Variants in CREBBP observed in about 807,000 individuals in gnomAD.
CREBBP encodes CREB-binding protein.
Under a neutral mutation model 265.0 loss-of-function variants are expected in CREBBP, and 19 were observed. The ratio of observed to expected loss-of-function variants is 0.07; its 90% CI spans 0.05 to 0.11. CREBBP has a LOEUF of 0.11. CREBBP is among the 10% of genes least tolerant of loss of function. The pLI, the probability that CREBBP is intolerant of heterozygous loss-of-function variation, is 1.00. For missense variants in CREBBP, 2,525 were observed against 3,219.0 expected (o/e 0.78, Z 5.22); for synonymous variants, 1,457 against 1,223.7 (o/e 1.19, Z -3.98).
chr16:3,763,533 T>C (rs1273884326), intron 16 of CREBBP, among the ~76,000 whole-genome samples: 2 of 152,174 alleles, frequency 1.3e-5, no homozygotes, highest in East Asian at 3.9e-4. Flanking sequence ...CGATCTCAGC[T>C]CACTGCAACC....
chr16:3,729,740 C>A lies in CREBBP; in HGVS notation c.5307G>T (p.Arg1769=), dbSNP rs2151311809. ...ACTGGATGCAGCGCTGGATGCTCAG[C>A]CGGCGTGACTCCTGGGGGCTCTTTG... is the stretch of plus-strand genomic sequence containing the variant. ...PQSKSPQESR[R]LSIQRCIQSL... is the part of the protein sequence containing the mutation. Residue 1769 remains arginine, a synonymous_variant, in exon 31 of 31, where the codon CGG becomes CGT. Coordinates refer to ENST00000262367, the MANE Select transcript of CREBBP (RefSeq NM_004380.3). 1 of 1,608,706 alleles carries A rather than the reference C, an allele frequency of 6.2e-7. No homozygotes were observed. Among genetic ancestry groups the A allele is most frequent in the Non-Finnish European group, 8.5e-7 (1 of 1,179,014 alleles).
chr16:3,791,852 T>C, intron 5 of CREBBP, 129 bp downstream of exon 5: 5 of 815,748 alleles, frequency 6.1e-6, no homozygotes, highest in South Asian at 1.4e-5. Context: ...CTTGGGCTGC[T>C]GTCCGCCCTA....
At chr16:3,814,215 CTGTG>C (rs6145729) in intron 2 of CREBBP, among the ~76,000 whole-genome samples, 18,696 of 103,420 alleles carry the variant, frequency 0.18, 1,732 homozygotes, top group Non-Finnish European at 0.23. Flanking sequence ...GAGTCTCGTT[CTGTG>C]TGTGTGTGTG....
Position 3,770,988 on chromosome 16 carries a change from T to C in CREBBP, c.2464-2A>G, listed in dbSNP as rs2141204933. ...AAGAGCAGCACCAGGCACCTGTCCC[T>C]ACCAGAAATGGACAGAGTATGGTAA... On this transcript the variant is annotated splice_acceptor_variant, in intron 13 of 30. Transcript: ENST00000262367. LOFTEE classifies it high-confidence loss of function. The C allele has an allele frequency of 6.2e-7, 1 of 1,613,320 alleles. No homozygotes were observed. Among genetic ancestry groups the C allele is most frequent in the South Asian group, 1.1e-5 (1 of 91,080 alleles).
At chr16:3,849,427 GTGTGTGTGTGTGTGT>G (rs1567360110) in intron 2 of CREBBP, among the ~76,000 whole-genome samples, 357 of 16,340 alleles carry the variant, frequency 0.022, 8 homozygotes, top group Admixed American at 0.03. Context: ...GTGTGTGTGT[GTGTGTGTGTGTGTGT>G]GTGTGTGTGT....
chr16:3,783,815 G>C (rs1400979319), intron 5 of CREBBP, among the ~76,000 whole-genome samples: 1 of 152,198 alleles, frequency 6.6e-6, no homozygotes, highest in East Asian at 1.9e-4. Flanking sequence ...GGAAAAACTG[G>C]TGTCAACATA....
intron 24 of CREBBP, among the ~76,000 whole-genome samples, 163 bp from the exon 25 acceptor site, chr16:3,739,887 G>A (rs779711683): frequency 6.6e-6 from 1 of 152,224 alleles, no homozygotes; most frequent in African/African-American, 2.4e-5. Flanking sequence ...AGTCAGCCCC[G>A]GAGCAGGGAG....
intron 1 of CREBBP, among the ~76,000 whole-genome samples, chr16:3,867,434 G>A (rs2055198709): frequency 6.6e-6 from 1 of 151,882 alleles, no homozygotes. Context: ...TGAGGCTAGA[G>A]TGAGCTATAA....
At chr16:3,747,914 C>A (rs2151361707) in intron 21 of CREBBP, among the ~76,000 whole-genome samples, 1 of 152,078 alleles carries the variant, frequency 6.6e-6, no homozygotes, top group Admixed American at 6.5e-5. Flanking sequence ...ATGGTGAAAC[C>A]CCGTCTCTAC....
At chr16:3,828,351 C>T (rs2054279807) in intron 2 of CREBBP, among the ~76,000 whole-genome samples, 1 of 152,202 alleles carries the variant, frequency 6.6e-6, no homozygotes, top group South Asian at 2.1e-4. Flanking sequence ...CTCGGCCTCC[C>T]AAAGTACTGG....
Position 3,729,170 on chromosome 16 carries a change from A to G in CREBBP, c.5877T>C (p.Ala1959=), listed in dbSNP as rs1256253500. The G allele has an allele frequency of 8.2e-7, 1 of 1,224,838 alleles. No individual in the cohort carries two copies. The highest frequency in any genetic ancestry group is 2.4e-5 in the Admixed American group (1 of 41,618). 75.9% of individuals were successfully genotyped at this position (1,224,838 alleles called of 1,614,324 possible). The change falls in exon 31 of 31, where the codon GCT becomes GCC. Residue 1959 remains alanine, a synonymous_variant. Coordinates refer to ENST00000262367, the MANE Select transcript of CREBBP (RefSeq NM_004380.3). ...GCTGGGCCTCACGCTCGATCTGCCGAGCCGCTTCCACCGCTGCAGGAGGGG... is the reference window on the plus strand; with the variant it reads ...GCTGGGCCTCACGCTCGATCTGCCGGGCCGCTTCCACCGCTGCAGGAGGGG... The part of the protein sequence containing the change: ...AQPPPAAVEA[A]RQIEREAQQQ...
intron 3 of CREBBP, among the ~76,000 whole-genome samples, chr16:3,802,784 G>A (rs993026240): frequency 2.6e-5 from 4 of 152,044 alleles, no homozygotes; most frequent in Non-Finnish European, 4.4e-5. Context: ...CTTGCTGCTC[G>A]TCCTCAACCT....
Position 3,782,901 on chromosome 16 carries a change from T to C in CREBBP, c.1356A>G (p.Gly452=). 1 of 1,614,128 alleles carries C rather than the reference T, an allele frequency of 6.2e-7. No homozygotes were observed. Among genetic ancestry groups the C allele is most frequent in the African/African-American group, 1.3e-5 (1 of 75,004 alleles). ...QQTILGSPAS[G]IQNTIGSVGT... is the part of the protein sequence containing the mutation. ...CAACAGAACCAATTGTGTTTTGAATTCCACTAGCTGGAGACCCCAGGATGG... is the reference window on the plus strand; with the variant it reads ...CAACAGAACCAATTGTGTTTTGAATCCCACTAGCTGGAGACCCCAGGATGG... The change falls in exon 6 of 31, where the codon GGA becomes GGG. Residue 452 remains glycine, a synonymous_variant. Coordinates refer to ENST00000262367, the MANE Select transcript of CREBBP (RefSeq NM_004380.3).
At chr16:3,757,092 CA>C (rs1396438658) in intron 19 of CREBBP, among the ~76,000 whole-genome samples, 195 bp downstream of exon 19, 2 of 152,048 alleles carry the variant, frequency 1.3e-5, no homozygotes, top group African/African-American at 4.8e-5. Context: ...AGGCTGATAA[CA>C]TAACTCCTGG....
intron 21 of CREBBP, among the ~76,000 whole-genome samples, chr16:3,749,206 G>A (rs867574581): frequency 7.2e-5 from 11 of 152,282 alleles, no homozygotes; most frequent in Middle Eastern, 6.8e-3. Flanking sequence ...AAGAAAATGT[G>A]CCAAGCTTTA....
At chr16:3,739,521 G>T (rs566128395) in intron 25 of CREBBP, 57 bp downstream of exon 25, 55 of 1,608,884 alleles carry the variant, frequency 3.4e-5, no homozygotes, top group Non-Finnish European at 4.7e-5. Flanking sequence ...TAAGAGCCCT[G>T]GTCTATCCTA....
At position 3,728,263 on chromosome 16, in the gene CREBBP, C is replaced by T. The variant is rs766219870; in HGVS notation, c.6784G>A (p.Gly2262Ser). ...TGTCCCATCTGAGCCGCCATCTGGC[C>T]CATGGAGCTGCCCTGGAGGGGGAGA... ...QHLPLQGSSM[G>S]QMAAQMGQLG... The change falls in exon 31 of 31, where the codon GGC (glycine) becomes AGC (serine). Residue 2262 changes from glycine (G) to serine (S), a missense_variant. Around this residue, in one of 19 missense-constraint regions of CREBBP, gnomAD observed 473 missense variants for 459.3 expected, o/e 1.03. Coordinates refer to ENST00000262367, the MANE Select transcript of CREBBP (RefSeq NM_004380.3). This position sits in a 1 kb window ranked among gnomAD's most constrained non-coding sequence, Gnocchi z 8.7. The T allele has an allele frequency of 1.9e-6, 3 of 1,612,396 alleles. No homozygotes were observed. Among genetic ancestry groups the T allele is most frequent in the East Asian group, 4.5e-5 (2 of 44,884 alleles).
intron 5 of CREBBP, among the ~76,000 whole-genome samples, chr16:3,788,125 T>TG (rs2053428320): frequency 6.6e-6 from 1 of 152,192 alleles, no homozygotes. Flanking sequence ...AGGCTGGCTC[T>TG]GGGGCCGACC....
At chr16:3,849,448 TGTGTGTG>T (rs2054769627) in intron 2 of CREBBP, among the ~76,000 whole-genome samples, 2 of 50,360 alleles carry the variant, frequency 4.0e-5, no homozygotes, top group Admixed American at 4.1e-4. Context: ...TGTGTGTGTG[TGTGTGTG>T]TGTGTGTGTG....
Sources: gnomAD v4.1 joint callset for allele counts (sites outside exome capture counted in the v4.1 genomes callset) on GRCh38, gnomAD v4.1.1 for gene constraint, gnomAD v4.1.1 regional missense constraint, Gnocchi (gnomAD v3.1) non-coding constraint, MANE v1.5 for transcripts, NCBI Gene and HGNC (gene_info 2026-07-23, HGNC 2026-07-21) for gene names.